The following ATP6AP2 variants were observed in gnomAD, a reference collection of about 807,000 sequenced individuals.
ATP6AP2 encodes renin receptor.
A neutral mutation model predicts 23.4 loss-of-function variants in ATP6AP2; 1 was observed. The ratio of observed to expected loss-of-function variants is 0.04; its 90% CI spans 0.02 to 0.20. ATP6AP2 has a LOEUF of 0.20. Among genes scored for constraint, ATP6AP2 ranks in the 10% least tolerant of loss-of-function variants. The pLI, the probability that ATP6AP2 is intolerant of heterozygous loss-of-function variation, is 1.00. For synonymous variants in ATP6AP2, 90 were observed against 97.1 expected (o/e 0.93, Z 0.43); for missense variants, 174 against 271.3 (o/e 0.64, Z 2.52).
chrX:40,588,459 A>G (rs1412190145), intron 1 of ATP6AP2, among the ~76,000 whole-genome samples: 1 of 109,291 alleles, frequency 9.1e-6, no homozygotes, highest in Non-Finnish European at 1.9e-5. Flanking sequence ...AATAATAGGA[A>G]CTTTATGAAT....
chrX:40,600,964 A>T lies in ATP6AP2; in HGVS notation c.858+83A>T, dbSNP rs114591549. 5,820 of 976,979 alleles carry T rather than the reference A, an allele frequency of 6.0e-3. 192 individuals are homozygous for T. In the African/African-American group the frequency reaches 0.099, roughly 17 times the overall value. The allele number at this position is 976,979 out of a possible 1,213,427, so 80.5% of individuals were successfully genotyped here. On this transcript the variant is annotated intron_variant, in intron 8 of 8. Transcript: ENST00000636580. ...AAAAAACCAAGTCCTATATCACCTAAGGGTGACATGAATGAGCAGTCAGTA... is the reference window on the plus strand; with the variant it reads ...AAAAAACCAAGTCCTATATCACCTATGGGTGACATGAATGAGCAGTCAGTA...
At chrX:40,597,119 A>G in intron 3 of ATP6AP2, 130 bp from the exon 4 acceptor site, 1 of 547,261 alleles carries the variant, frequency 1.8e-6, no homozygotes, top group Non-Finnish European at 3.1e-6. Flanking sequence ...TTTGGAAATG[A>G]TTTCGGGCTT....
At chrX:40,600,105 T>C (rs1256978508) in intron 7 of ATP6AP2, 2 of 231,696 alleles carry the variant, frequency 8.6e-6, no homozygotes, top group Non-Finnish European at 1.6e-5. Flanking sequence ...TTTCTAGAAC[T>C]TTTTCTTCTT....
At chrX:40,593,119 G>A (rs994025933) in intron 3 of ATP6AP2, among the ~76,000 whole-genome samples, 8 of 110,848 alleles carry the variant, frequency 7.2e-5, no homozygotes, top group Admixed American at 5.8e-4. Context: ...GTGGTGGCAC[G>A]CATCTGTAGT....
chrX:40,590,075 C>T (rs1197396249), intron 2 of ATP6AP2: 1 of 111,477 alleles, frequency 9.0e-6, no homozygotes, highest in Admixed American at 9.5e-5. Flanking sequence ...CAGGGTCTGG[C>T]TGTGTCACCC....
intron 2 of ATP6AP2, 87 bp from the exon 3 acceptor site, chrX:40,591,147 C>A (rs1316184377): frequency 1.8e-6 from 2 of 1,116,854 alleles, no homozygotes; most frequent in East Asian, 6.0e-5. Context: ...CATCTCAGAA[C>A]CCCTTAACTC....
Sources: gnomAD v4.1 joint callset for allele counts (sites outside exome capture counted in the v4.1 genomes callset) on GRCh38, gnomAD v4.1.1 for gene constraint, MANE v1.5 for transcripts, NCBI Gene and HGNC (gene_info 2026-07-23, HGNC 2026-07-21) for gene names.